Variants in FOXP1 observed in about 807,000 individuals in gnomAD.
The protein encoded by FOXP1 is forkhead box protein P1.
In FOXP1, 15 loss-of-function variants were observed where a neutral mutation model predicts 98.2. The observed-to-expected ratio is 0.15, with a 90% CI of 0.10 to 0.24. The LOEUF (loss-of-function observed/expected upper bound fraction) is 0.24. Ranked by LOEUF, FOXP1 falls within the 10% of genes least tolerant of loss-of-function variation. The probability of loss-of-function intolerance (pLI) is 1.00; values close to 1 mark genes in which losing one functional copy is unlikely to be tolerated. For synonymous variants in FOXP1, 371 were observed against 314.5 expected, an observed-to-expected ratio of 1.18 and a Z score of -1.90; for missense variants, 633 against 848.5, an observed-to-expected ratio of 0.75 and a Z score of 3.15.
chr3:71,489,731 C>T (rs1296711323), intron 3 of FOXP1, among the ~76,000 whole-genome samples: 1 of 152,210 alleles, frequency 6.6e-6, no homozygotes, highest in African/African-American at 2.4e-5. Context: ...GCCCTTCTTT[C>T]GCTGTCTCCT....
At chr3:71,321,121 C>CAAAAAAAAA (rs11293559) in intron 4 of FOXP1, among the ~76,000 whole-genome samples, 3 of 121,998 alleles carry the variant, frequency 2.5e-5, no homozygotes, top group Non-Finnish European at 3.4e-5. Flanking sequence ...TAGACTGTAC[C>CAAAAAAAAA]AAAAAAAAAA....
At chr3:71,284,689 T>C (rs1181915666) in intron 5 of FOXP1, among the ~76,000 whole-genome samples, 1 of 152,178 alleles carries the variant, frequency 6.6e-6, no homozygotes, top group Non-Finnish European at 1.5e-5. Flanking sequence ...GAAAGGATGA[T>C]GTGGTATACA....
At chr3:71,125,755 G>A (rs2059123793) in intron 6 of FOXP1, among the ~76,000 whole-genome samples, 1 of 152,208 alleles carries the variant, frequency 6.6e-6, no homozygotes, top group Non-Finnish European at 1.5e-5. Context: ...CTGACCCTGA[G>A]AGAATAACAG....
chr3:71,195,568 C>T (rs2063245476), intron 6 of FOXP1, among the ~76,000 whole-genome samples: 1 of 152,196 alleles, frequency 6.6e-6, no homozygotes, highest in Non-Finnish European at 1.5e-5. Flanking sequence ...CTTCCACTGT[C>T]CTACATTAAT....
At chr3:71,514,146 C>T (rs142131820) in intron 2 of FOXP1, among the ~76,000 whole-genome samples, 3 of 152,288 alleles carry the variant, frequency 2.0e-5, no homozygotes, top group Non-Finnish European at 4.4e-5. Context: ...CACCACACTC[C>T]CCCAGTCCAC....
chr3:71,110,377 C>G (rs2057813100), intron 7 of FOXP1, among the ~76,000 whole-genome samples: 1 of 152,066 alleles, frequency 6.6e-6, no homozygotes, highest in South Asian at 2.1e-4. Flanking sequence ...TTATCTCTAA[C>G]CAAAGCTCTA....
chr3:71,274,058 A>G (rs2070656801), intron 5 of FOXP1, among the ~76,000 whole-genome samples: 1 of 152,152 alleles, frequency 6.6e-6, no homozygotes, highest in South Asian at 2.1e-4. Flanking sequence ...AATTTTCCCA[A>G]GTAGAAATGA....
chr3:71,461,096 G>A (rs1412238313), intron 3 of FOXP1, among the ~76,000 whole-genome samples: 1 of 152,148 alleles, frequency 6.6e-6, no homozygotes, highest in African/African-American at 2.4e-5. Context: ...GTTTTATCTT[G>A]GGGAAGTTAA....
intron 3 of FOXP1, among the ~76,000 whole-genome samples, chr3:71,423,881 T>C (rs548474115): frequency 2.7e-4 from 41 of 152,360 alleles, no homozygotes; most frequent in Non-Finnish European, 4.9e-4. Context: ...ATTTCATGAA[T>C]GGCCCTAAAT....
chr3:71,534,235 C>T (rs1045905840), intron 2 of FOXP1, among the ~76,000 whole-genome samples: 11 of 152,144 alleles, frequency 7.2e-5, no homozygotes, highest in Non-Finnish European at 1.0e-4. Context: ...TGGTGGCGTA[C>T]GCCTGTAATC....
chr3:71,328,640 TCTACAGCTGACCAGGGTAG>T (rs1447970227), intron 4 of FOXP1, among the ~76,000 whole-genome samples: 2 of 152,192 alleles, frequency 1.3e-5, no homozygotes, highest in African/African-American at 4.8e-5. Context: ...CATAACCCTT[TCTACAGCTGACCAGGGTAG>T]CTACGGTATT....
chr3:71,129,077 A>C lies in FOXP1; in HGVS notation c.181-16440T>G, dbSNP rs1459533782. On this transcript the variant is annotated intron_variant, in intron 6 of 20. Coordinates refer to ENST00000649528, the MANE Select transcript of FOXP1 (RefSeq NM_001349338.3). ...AATAATCAAACATGCCATCCAGAAA[A>C]AACAAAACGAGCGAGCTGGGAAATT... Among the ~76,000 whole-genome samples, 5 of 152,284 alleles carry C rather than the reference A, an allele frequency of 3.3e-5. No homozygotes were observed. In the East Asian group the frequency reaches 9.7e-4, roughly 29 times the overall value.
chr3:71,283,796 G>T (rs1044483786), intron 5 of FOXP1, among the ~76,000 whole-genome samples: 2 of 152,090 alleles, frequency 1.3e-5, no homozygotes, highest in Non-Finnish European at 2.9e-5. Context: ...TACTTGTCCA[G>T]AACCAGTAAG....
chr3:70,993,323 A>C (rs533828297), intron 13 of FOXP1, among the ~76,000 whole-genome samples: 1 of 152,320 alleles, frequency 6.6e-6, no homozygotes, highest in South Asian at 2.1e-4. Context: ...TCCGCAAGGC[A>C]GAGTGGCATG....
intron 5 of FOXP1, among the ~76,000 whole-genome samples, chr3:71,278,676 G>T (rs1233280541): frequency 6.6e-6 from 1 of 152,174 alleles, no homozygotes; most frequent in Non-Finnish European, 1.5e-5. Flanking sequence ...AGCTATGCAG[G>T]AGGCTGAAGC....
intron 2 of FOXP1, among the ~76,000 whole-genome samples, chr3:71,509,025 T>C (rs774991422): frequency 7.9e-5 from 12 of 152,212 alleles, no homozygotes; most frequent in Non-Finnish European, 1.3e-4. Flanking sequence ...ATGACTACTT[T>C]GGCATTTTCT....
chr3:71,133,905 T>C (rs548136395), intron 6 of FOXP1, among the ~76,000 whole-genome samples: 2 of 152,328 alleles, frequency 1.3e-5, no homozygotes, highest in East Asian at 3.9e-4. Context: ...ATTATGACTC[T>C]ATAGTATTTC....
intron 6 of FOXP1, among the ~76,000 whole-genome samples, chr3:71,176,736 G>A (rs1270028145): frequency 9.0e-6 from 1 of 111,100 alleles, no homozygotes; most frequent in Non-Finnish European, 1.7e-5. Context: ...AGAGCAAGAG[G>A]CTATCTCAAA....
At chr3:71,274,619 C>T (rs2070713117) in intron 5 of FOXP1, among the ~76,000 whole-genome samples, 1 of 152,106 alleles carries the variant, frequency 6.6e-6, no homozygotes, top group African/African-American at 2.4e-5. Context: ...ATATGGCATG[C>T]AACTAAAAAA....
Sources: gnomAD v4.1 joint callset for allele counts (sites outside exome capture counted in the v4.1 genomes callset) on GRCh38, gnomAD v4.1.1 for gene constraint, MANE v1.5 for transcripts, NCBI Gene and HGNC (gene_info 2026-07-23, HGNC 2026-07-21) for gene names.